The following VSIG10 variants were observed in gnomAD, a reference collection of about 807,000 sequenced individuals.
The protein encoded by VSIG10 is V-set and immunoglobulin domain-containing protein 10.
Under a neutral mutation model 58.7 loss-of-function variants are expected in VSIG10, and 48 were observed. The ratio of observed to expected loss-of-function variants is 0.82; its 90% CI spans 0.65 to 1.04. VSIG10 has a LOEUF of 1.04. Ranked by LOEUF, VSIG10 falls within the 50% of genes least tolerant of loss-of-function variation. The probability of loss-of-function intolerance (pLI) is 0.00; values close to 1 mark genes in which losing one functional copy is unlikely to be tolerated. For synonymous variants in VSIG10, 260 were observed against 267.1 expected, an observed-to-expected ratio of 0.97 and a Z score of 0.26; for missense variants, 628 against 670.0, an observed-to-expected ratio of 0.94 and a Z score of 0.69.
chr12:118,074,870 G>A (rs574628348), intron 4 of VSIG10, among the ~76,000 whole-genome samples: 6 of 152,116 alleles, frequency 3.9e-5, no homozygotes, highest in African/African-American at 9.6e-5. Context: ...GTTCTGAGTC[G>A]TGTGACGAAA....
chr12:118,084,963 G>A (rs1322470367), intron 2 of VSIG10, among the ~76,000 whole-genome samples: 1 of 152,150 alleles, frequency 6.6e-6, no homozygotes, highest in Non-Finnish European at 1.5e-5. Flanking sequence ...AGCTTGCAGT[G>A]AGCCGAGATC....
intron 7 of VSIG10, among the ~76,000 whole-genome samples, chr12:118,070,557 AAAAAAAAG>A (rs1197331032): frequency 3.3e-4 from 50 of 151,946 alleles, no homozygotes; most frequent in Admixed American, 2.6e-3. Context: ...CAAAAAAAAA[AAAAAAAAG>A]AAAAAAGAAA....
In VSIG10 at chr12:118,081,717, C is replaced by G. The variant is rs77709004; in HGVS notation, c.664+410G>C. 3.0e-3 allele frequency among the ~76,000 whole-genome samples: 459 copies of G among 152,176 alleles called. 1 individual carries two copies. The highest frequency in any genetic ancestry group is 0.01 in the African/African-American group (435 of 41,530). On this transcript the variant is annotated intron_variant, in intron 3 of 8. Coordinates refer to ENST00000359236, the MANE Select transcript of VSIG10 (RefSeq NM_019086.6). ...CAGAAGAATCATGCAGCAGGCACCC[C>G]CTTAAAGACAAATGGGAGGCCGGGC...
chr12:118,094,900 C>A (rs868146209), intron 2 of VSIG10, among the ~76,000 whole-genome samples: 3 of 146,376 alleles, frequency 2.0e-5, no homozygotes, highest in Non-Finnish European at 4.5e-5. Context: ...CCATGCCTGG[C>A]GAATTTTTTT....
intron 8 of VSIG10, 40 bp downstream of exon 8, chr12:118,068,337 G>A: frequency 1.1e-5 from 18 of 1,590,928 alleles, no homozygotes; most frequent in Non-Finnish European, 1.4e-5. Flanking sequence ...GCCTTTTTTT[G>A]TTTGTTTTCT....
chr12:118,097,644 A>G (rs892147289), intron 1 of VSIG10, among the ~76,000 whole-genome samples: 4 of 150,054 alleles, frequency 2.7e-5, no homozygotes, highest in African/African-American at 9.8e-5. Flanking sequence ...ACAAACAAAC[A>G]AAAGGCCGGG....
intron 2 of VSIG10, among the ~76,000 whole-genome samples, chr12:118,093,060 C>A (rs1223368614): frequency 6.6e-6 from 1 of 151,362 alleles, no homozygotes; most frequent in Non-Finnish European, 1.5e-5. Flanking sequence ...GAGCCCGAGG[C>A]AGGCAGATCA....
At chr12:118,085,681 G>T (rs1276333248) in intron 2 of VSIG10, among the ~76,000 whole-genome samples, 2 of 151,732 alleles carry the variant, frequency 1.3e-5, no homozygotes, top group Admixed American at 6.6e-5. Context: ...GGCCAACATG[G>T]TGAAACCCTG....
At chr12:118,073,250 C>T (rs2032571789) in intron 5 of VSIG10, among the ~76,000 whole-genome samples, 1 of 152,288 alleles carries the variant, frequency 6.6e-6, no homozygotes, top group South Asian at 2.1e-4. Context: ...GTCTCAAACT[C>T]CTGGCCTCAA....
chr12:118,087,941 A>T (rs945964350), intron 2 of VSIG10, among the ~76,000 whole-genome samples: 2 of 151,020 alleles, frequency 1.3e-5, no homozygotes, highest in Middle Eastern at 3.6e-3. Flanking sequence ...CCACAGCAAG[A>T]CCTGTTCGAA....
chr12:118,095,742 C>T lies in VSIG10; in HGVS notation c.152G>A (p.Arg51Lys). Residue 51 changes from arginine to lysine, a missense_variant, in exon 2 of 9, where the codon AGG becomes AAG. Transcript: ENST00000359236. ...TLHCGNISGL[R>K]GQVTWYRNNS... ...GTTCCGGTACCAGGTCACCTGGCCCCTCAGTCCCGAGATGTTGCCACAGTG... is the reference window on the plus strand; with the variant it reads ...GTTCCGGTACCAGGTCACCTGGCCCTTCAGTCCCGAGATGTTGCCACAGTG... 1 of 1,613,720 alleles carries T rather than the reference C, an allele frequency of 6.2e-7. No individual in the cohort carries two copies. Among genetic ancestry groups the T allele is most frequent in the Non-Finnish European group, 8.5e-7 (1 of 1,179,798 alleles).
At chr12:118,096,416 T>C (rs941693961) in intron 1 of VSIG10, among the ~76,000 whole-genome samples, 5 of 150,606 alleles carry the variant, frequency 3.3e-5, no homozygotes, top group African/African-American at 1.2e-4. Context: ...CTGTCTCTAC[T>C]AAAAATACAA....
intron 1 of VSIG10, among the ~76,000 whole-genome samples, chr12:118,097,200 C>T (rs1324256498): frequency 6.6e-6 from 1 of 152,218 alleles, no homozygotes; most frequent in African/African-American, 2.4e-5. Context: ...ACTGGGGGGC[C>T]ATCCCACTCT....
At chr12:118,077,378 G>A (rs985106717) in intron 4 of VSIG10, among the ~76,000 whole-genome samples, 2 of 151,958 alleles carry the variant, frequency 1.3e-5, no homozygotes, top group Non-Finnish European at 2.9e-5. Context: ...TCTTATAAAG[G>A]CCTCCCTTTT....
At chr12:118,101,964 C>G (rs1283252495) in intron 1 of VSIG10, 4 of 152,154 alleles carry the variant, frequency 2.6e-5, no homozygotes, top group African/African-American at 9.7e-5. Flanking sequence ...ATTGTAGAGA[C>G]CGTCTCTACA....
At chr12:118,075,102 ATATATGTG>A (rs1276158171) in intron 4 of VSIG10, among the ~76,000 whole-genome samples, 19 of 148,582 alleles carry the variant, frequency 1.3e-4, no homozygotes, top group Non-Finnish European at 2.2e-4. Context: ...GTATATATGT[ATATATGTG>A]TATATGTATA....
chr12:118,086,986 C>G (rs7971562), intron 2 of VSIG10, among the ~76,000 whole-genome samples: 3,894 of 151,770 alleles, frequency 0.026, 73 homozygotes, highest in Middle Eastern at 0.085. Context: ...CGGTTTCAAA[C>G]TTCCGACCTC....
At position 118,068,572 on chromosome 12, in the gene VSIG10, C is replaced by T. The variant is rs2137830816; in HGVS notation, c.1372G>A (p.Val458Ile). 1.3e-6 allele frequency: 2 copies of T among 1,578,748 alleles called. No individual in the cohort carries two copies. The highest frequency in any genetic ancestry group is 4.6e-5 in the East Asian group (2 of 43,764). ...SRGQNMDDVMVLVDSEEEEEE... is the reference protein window; with the variant it reads ...SRGQNMDDVMILVDSEEEEEE... Reference sequence around the variant, plus strand: ...TCTTCCTCTTCTGAATCCACCAAAACCATGACATCATCCATGTTTTGTCCC... The same window carrying T: ...TCTTCCTCTTCTGAATCCACCAAAATCATGACATCATCCATGTTTTGTCCC... Residue 458 changes from valine to isoleucine, a missense_variant, in exon 8 of 9, where the codon GTT becomes ATT. Physicochemically the swap from Val to Ile is conservative, Grantham distance 29. Transcript: ENST00000359236.
In VSIG10 at chr12:118,065,122, T is replaced by C. The variant is rs1468847490; in HGVS notation, c.*1517A>G. 1 of 152,228 alleles carries C rather than the reference T, an allele frequency of 6.6e-6. No homozygotes were observed. The highest frequency in any genetic ancestry group is 2.4e-5 in the African/African-American group (1 of 41,468). 9.4% of individuals were successfully genotyped at this position (152,228 alleles called of 1,614,324 possible). On this transcript the variant is annotated 3_prime_UTR_variant, in exon 9 of 9. Coordinates refer to ENST00000359236, the MANE Select transcript of VSIG10 (RefSeq NM_019086.6). ...TAAACTCATCACATGGTATTTTCAT[T>C]CCAAATTTAGTGTTATTGATCAGTG...
Sources: allele counts gnomAD v4.1 joint callset (sites outside exome capture counted in the v4.1 genomes callset), GRCh38; gene constraint gnomAD v4.1.1; transcripts MANE v1.5; gene names NCBI Gene and HGNC (gene_info 2026-07-23, HGNC 2026-07-21).